FREM3: variants seen among roughly 807,000 people sequenced by gnomAD.
The protein encoded by FREM3 is FRAS1-related extracellular matrix protein 3.
FREM3 carries 105 observed loss-of-function variants against 129.1 expected under a neutral mutation model. The ratio of observed to expected loss-of-function variants is 0.81; its 90% confidence interval spans 0.69 to 0.96. The LOEUF is 0.96. Among genes scored for constraint, FREM3 ranks in the 40% least tolerant of loss-of-function variants. FREM3 has a pLI of 0.00. For missense variants in FREM3, 2,593 were observed against 2,666.3 expected, an observed-to-expected ratio of 0.97 and a Z score of 0.61; for synonymous variants, 1,014 against 1,044.9, an observed-to-expected ratio of 0.97 and a Z score of 0.57.
At chr4:143,665,298 C>G (rs1391104732) in intron 2 of FREM3, among the ~76,000 whole-genome samples, 1 of 152,116 alleles carries the variant, frequency 6.6e-6, no homozygotes, top group Non-Finnish European at 1.5e-5. Flanking sequence ...GAATAAGGTG[C>G]CTTACCCACT....
chr4:143,696,882 G>A lies in FREM3; in HGVS notation c.3794C>T (p.Thr1265Ile). Residue 1265 changes from threonine (T) to isoleucine (I), a missense_variant, in exon 1 of 8, where the codon ACC (threonine) becomes ATC (isoleucine). By Grantham distance (89) the Thr-to-Ile change is moderately conservative. Transcript: ENST00000329798. ...TGAGTCATCATGCTCATACACAATG[G>A]TGGAGGCCTCCTGGATCTCCTTGAG... is the stretch of plus-strand genomic sequence containing the variant. ...FTLKEIQEAS[T>I]IVYEHDDSET... The A allele has an allele frequency of 7.2e-6, 11 of 1,537,676 alleles. No individual in the cohort carries two copies. Among genetic ancestry groups the A allele is most frequent in the Non-Finnish European group, 9.6e-6 (11 of 1,147,024 alleles).
chr4:143,590,057 A>T (rs1738328554), intron 6 of FREM3, among the ~76,000 whole-genome samples: 1 of 152,004 alleles, frequency 6.6e-6, no homozygotes, highest in South Asian at 2.1e-4. Context: ...TTGGTGTATA[A>T]GAATGCTTGT....
chr4:143,590,288 A>G (rs368232052), intron 6 of FREM3, among the ~76,000 whole-genome samples: 5 of 152,140 alleles, frequency 3.3e-5, no homozygotes, highest in Non-Finnish European at 5.9e-5. Context: ...AATAGGAGTG[A>G]TGAGAGAGGG....
intron 2 of FREM3, among the ~76,000 whole-genome samples, chr4:143,640,716 T>C (rs942383966): frequency 1.6e-4 from 24 of 152,218 alleles, no homozygotes; most frequent in Middle Eastern, 3.4e-3. Flanking sequence ...TTTTTTTTTC[T>C]AGTTAGCAAC....
Position 143,699,379 on chromosome 4 carries a change from G to T in FREM3, c.1297C>A (p.Pro433Thr). 1 of 1,537,302 alleles carries T rather than the reference G, an allele frequency of 6.5e-7. No homozygotes were observed. The highest frequency in any genetic ancestry group is 8.7e-7 in the Non-Finnish European group (1 of 1,146,922). Reference sequence around the variant, plus strand: ...AGTCCCCTGTTATGGCTAGCCACTGGGACCAGAGTATTCATGGATTTCACT... The same window carrying T: ...AGTCCCCTGTTATGGCTAGCCACTGTGACCAGAGTATTCATGGATTTCACT... ...VTVKSMNTLV[P>T]VASHNRGLVL... is the part of the protein sequence containing the mutation. The change falls in exon 1 of 8, where the codon CCA becomes ACA. Residue 433 changes from proline to threonine, a missense_variant. Around this residue, in one of 2 missense-constraint regions of FREM3, gnomAD observed 2,276 missense variants for 2,267.2 expected, o/e 1.00. Coordinates refer to ENST00000329798, the MANE Select transcript of FREM3 (RefSeq NM_001168235.2). The surrounding 1 kb of genome is among the most constrained non-coding windows in gnomAD (Gnocchi z 4.2).
chr4:143,682,973 A>G (rs911019369), intron 2 of FREM3, among the ~76,000 whole-genome samples: 1 of 152,116 alleles, frequency 6.6e-6, no homozygotes, highest in African/African-American at 2.4e-5. Flanking sequence ...AAGGGTCCTT[A>G]CAAGTGAAAG....
chr4:143,664,725 C>G (rs1739818953), intron 2 of FREM3, among the ~76,000 whole-genome samples: 1 of 152,188 alleles, frequency 6.6e-6, no homozygotes, highest in Non-Finnish European at 1.5e-5. Context: ...CCTCCTTGAG[C>G]TGTGGTGGGC....
chr4:143,632,468 G>A (rs1416841576), intron 2 of FREM3, among the ~76,000 whole-genome samples: 1 of 152,122 alleles, frequency 6.6e-6, no homozygotes, highest in Non-Finnish European at 1.5e-5. Flanking sequence ...TATTTTAAAA[G>A]TAATCAATAT....
At chr4:143,607,823 T>A (rs954736526) in intron 6 of FREM3, among the ~76,000 whole-genome samples, 2 of 152,168 alleles carry the variant, frequency 1.3e-5, no homozygotes, top group African/African-American at 4.8e-5. Flanking sequence ...ACAACATAAA[T>A]TTATTCCATT....
chr4:143,598,960 C>T (rs985905285), intron 6 of FREM3, among the ~76,000 whole-genome samples: 3 of 152,156 alleles, frequency 2.0e-5, no homozygotes, highest in Non-Finnish European at 4.4e-5. Flanking sequence ...ATCCATTTCT[C>T]AGAACATATT....
At chr4:143,650,971 T>C (rs1471045776) in intron 2 of FREM3, among the ~76,000 whole-genome samples, 1 of 152,254 alleles carries the variant, frequency 6.6e-6, no homozygotes, top group East Asian at 1.9e-4. Context: ...ATTATCTTCC[T>C]GGCAAGTAAA....
chr4:143,672,028 CCTCT>C lies in FREM3; in HGVS notation c.5275+21081_5275+21084del, dbSNP rs771457154. On this transcript the variant is annotated intron_variant, in intron 2 of 7. Coordinates refer to ENST00000329798, the MANE Select transcript of FREM3 (RefSeq NM_001168235.2). ...TGTGACATAGAGTTGTCAAGGTTCC[CCTCT>C]CTCTCCCATTGTCACTGCAGAGTGA... Among the ~76,000 whole-genome samples the C allele has an allele frequency of 5.3e-5, 8 of 152,266 alleles. No individual in the cohort carries two copies. In the East Asian group the frequency reaches 9.7e-4, roughly 18 times the overall value.
In FREM3 at chr4:143,583,270, A is replaced by G. The variant is rs537392433; in HGVS notation, c.6178+2574T>C. On this transcript the variant is annotated intron_variant, in intron 7 of 7. Coordinates refer to ENST00000329798, the MANE Select transcript of FREM3 (RefSeq NM_001168235.2). ...AATCAAAAATAAAGAGAAAAGAATA[A>G]AAAAGAATGTGCAAAACTTCTTAGA... Among the ~76,000 whole-genome samples, 4 of 152,324 alleles carry G rather than the reference A, an allele frequency of 2.6e-5. No individual in the cohort carries two copies. In the East Asian group the frequency reaches 7.7e-4, roughly 29 times the overall value.
intron 6 of FREM3, among the ~76,000 whole-genome samples, chr4:143,595,603 G>A (rs990395163): frequency 6.6e-6 from 1 of 152,142 alleles, no homozygotes; most frequent in Admixed American, 6.5e-5. Context: ...AGCAAAAGAA[G>A]GGAGCCGGGC....
At chr4:143,669,417 C>T (rs937276889) in intron 2 of FREM3, among the ~76,000 whole-genome samples, 7 of 152,054 alleles carry the variant, frequency 4.6e-5, no homozygotes, top group African/African-American at 1.2e-4. Flanking sequence ...GCTTGGACTA[C>T]AGGCGTGAAC....
intron 6 of FREM3, among the ~76,000 whole-genome samples, chr4:143,605,293 G>T (rs1485087441): frequency 6.6e-6 from 1 of 152,022 alleles, no homozygotes; most frequent in Non-Finnish European, 1.5e-5. Flanking sequence ...GTAGGAATAT[G>T]GCACGGCTCA....
chr4:143,628,423 T>G (rs1739083066), intron 2 of FREM3, among the ~76,000 whole-genome samples: 1 of 152,148 alleles, frequency 6.6e-6, no homozygotes, highest in Admixed American at 6.6e-5. Flanking sequence ...GTTTGTGTAT[T>G]GGTAGCAAGA....
At chr4:143,649,598 A>G (rs1049426399) in intron 2 of FREM3, among the ~76,000 whole-genome samples, 3 of 152,168 alleles carry the variant, frequency 2.0e-5, no homozygotes, top group African/African-American at 7.2e-5. Context: ...CCTTCCTGGA[A>G]GAGTTGAAGA....
intron 2 of FREM3, among the ~76,000 whole-genome samples, chr4:143,658,189 G>A (rs547981374): frequency 2.0e-5 from 3 of 152,336 alleles, no homozygotes; most frequent in African/African-American, 7.2e-5. Flanking sequence ...AAATTCAGAT[G>A]TTACTATTCC....
Sources: allele counts gnomAD v4.1 joint callset (sites outside exome capture counted in the v4.1 genomes callset), GRCh38; gene constraint gnomAD v4.1.1; regional missense constraint gnomAD v4.1.1; non-coding constraint Gnocchi (gnomAD v3.1); transcripts MANE v1.5; gene names NCBI Gene and HGNC (gene_info 2026-07-23, HGNC 2026-07-21).